ADAMTS16: variants seen among roughly 807,000 people sequenced by gnomAD.
ADAMTS16 encodes the protein A disintegrin and metalloproteinase with thrombospondin motifs 16.
ADAMTS16 carries 94 observed loss-of-function variants against 145.8 expected under a neutral mutation model. The ratio of observed to expected loss-of-function variants is 0.64; its 90% confidence interval spans 0.55 to 0.77. The LOEUF (loss-of-function observed/expected upper bound fraction) is 0.77. Ranked by LOEUF, ADAMTS16 falls within the 30% of genes least tolerant of loss-of-function variation. The pLI is 0.00. For missense variants in ADAMTS16, 1,585 were observed against 1,591.5 expected (o/e 1.00, Z 0.07); for synonymous variants, 659 against 604.3 (o/e 1.09, Z -1.33).
At chr5:5,313,874 C>T (rs1313732539) in intron 21 of ADAMTS16, among the ~76,000 whole-genome samples, 1 of 152,244 alleles carries the variant, frequency 6.6e-6, no homozygotes, top group Non-Finnish European at 1.5e-5. Flanking sequence ...CCCCTGAACC[C>T]TGATCTAGTC....
chr5:5,309,112 A>G (rs548128510), intron 21 of ADAMTS16, among the ~76,000 whole-genome samples: 1 of 152,324 alleles, frequency 6.6e-6, no homozygotes, highest in East Asian at 1.9e-4. Flanking sequence ...CATAAACCAC[A>G]TATACAGTCA....
intron 3 of ADAMTS16, among the ~76,000 whole-genome samples, chr5:5,152,734 A>G (rs534349469): frequency 1.3e-5 from 2 of 152,360 alleles, no homozygotes; most frequent in Admixed American, 6.5e-5. Context: ...TTCAAGGTTT[A>G]TTAAAATGTT....
chr5:5,229,064 C>T (rs1034831594), intron 11 of ADAMTS16, among the ~76,000 whole-genome samples: 41 of 151,410 alleles, frequency 2.7e-4, no homozygotes, highest in African/African-American at 8.0e-4. Context: ...TTTGGGAGGC[C>T]GAGGCGGGTG....
chr5:5,302,110 C>A (rs934100327), intron 18 of ADAMTS16, among the ~76,000 whole-genome samples: 1 of 152,154 alleles, frequency 6.6e-6, no homozygotes, highest in South Asian at 2.1e-4. Flanking sequence ...TCTTGACGGC[C>A]TCTCCAGGGT....
chr5:5,167,346 A>T (rs2126535955), intron 3 of ADAMTS16, among the ~76,000 whole-genome samples: 2 of 152,338 alleles, frequency 1.3e-5, no homozygotes, highest in Middle Eastern at 6.8e-3. Context: ...CACGGTATGG[A>T]ATGAGATTCA....
intron 3 of ADAMTS16, among the ~76,000 whole-genome samples, chr5:5,148,094 GA>G (rs1167373431): frequency 3.3e-4 from 43 of 128,740 alleles, no homozygotes; most frequent in South Asian, 9.9e-4. Flanking sequence ...ATAAATAACA[GA>G]AAAAAATGCT....
chr5:5,160,776 G>T (rs1240126858), intron 3 of ADAMTS16, among the ~76,000 whole-genome samples: 1 of 140,036 alleles, frequency 7.1e-6, no homozygotes, highest in Non-Finnish European at 1.6e-5. Context: ...AAAAAAACCA[G>T]CTTTACTTGA....
At chr5:5,316,463 G>A (rs1734062147) in intron 21 of ADAMTS16, among the ~76,000 whole-genome samples, 1 of 152,166 alleles carries the variant, frequency 6.6e-6, no homozygotes, top group Non-Finnish European at 1.5e-5. Context: ...ACAGTGGGTA[G>A]TTTTATTTTT....
intron 17 of ADAMTS16, among the ~76,000 whole-genome samples, chr5:5,248,315 A>C (rs531320617): frequency 5.9e-5 from 9 of 152,320 alleles, no homozygotes; most frequent in African/African-American, 2.2e-4. Context: ...AGGATTTTTA[A>C]GCGGTTTCCA....
At chr5:5,183,648 T>C (rs1735407567) in intron 4 of ADAMTS16, among the ~76,000 whole-genome samples, 1 of 152,168 alleles carries the variant, frequency 6.6e-6, no homozygotes, top group Non-Finnish European at 1.5e-5. Context: ...GATCCTTTCG[T>C]TCCTCTCTGA....
At chr5:5,144,982 T>G (rs990341955) in intron 2 of ADAMTS16, among the ~76,000 whole-genome samples, 3 of 152,194 alleles carry the variant, frequency 2.0e-5, no homozygotes, top group African/African-American at 7.2e-5. Flanking sequence ...CATGGAGCTC[T>G]GTCCGTCTCC....
intron 17 of ADAMTS16, among the ~76,000 whole-genome samples, chr5:5,258,027 A>T (rs1737854022): frequency 2.0e-5 from 3 of 152,234 alleles, no homozygotes; most frequent in African/African-American, 7.2e-5. Context: ...GAGATCTCGA[A>T]GGGTCCCGAG....
intron 18 of ADAMTS16, among the ~76,000 whole-genome samples, chr5:5,263,612 C>T (rs996559397): frequency 2.0e-5 from 3 of 152,224 alleles, no homozygotes; most frequent in Admixed American, 6.5e-5. Flanking sequence ...GGAGCAAGCT[C>T]TGTGCAGAGC....
intron 3 of ADAMTS16, among the ~76,000 whole-genome samples, chr5:5,151,111 T>C (rs534540494): frequency 2.6e-5 from 4 of 152,286 alleles, no homozygotes; most frequent in African/African-American, 7.2e-5. Context: ...TTGTGTGTAC[T>C]GTACTTTTCA....
intron 18 of ADAMTS16, among the ~76,000 whole-genome samples, chr5:5,299,527 T>G (rs1029548240): frequency 2.0e-5 from 3 of 151,920 alleles, no homozygotes; most frequent in African/African-American, 7.3e-5. Context: ...TTTTTTTTAA[T>G]GGGGAAGAGG....
chr5:5,193,167 G>A (rs796437160), intron 8 of ADAMTS16, among the ~76,000 whole-genome samples: 3,170 of 144,738 alleles, frequency 0.022, 123 homozygotes, highest in African/African-American at 0.078. Context: ...GTGTGTGCGC[G>A]CGCGCACATA....
intron 6 of ADAMTS16, among the ~76,000 whole-genome samples, chr5:5,188,332 C>T (rs1231028373): frequency 2.6e-5 from 4 of 152,050 alleles, no homozygotes; most frequent in Non-Finnish European, 4.4e-5. Flanking sequence ...AGCGCATTTC[C>T]CTCACTGCAT....
At chr5:5,222,939 A>G in intron 11 of ADAMTS16, 55 bp downstream of exon 11, 6 of 1,526,106 alleles carry the variant, frequency 3.9e-6, no homozygotes, top group Non-Finnish European at 5.5e-6. Flanking sequence ...CTTTCAACCC[A>G]TGCATCTTTG....
intron 3 of ADAMTS16, among the ~76,000 whole-genome samples, chr5:5,154,725 T>G (rs1056174317): frequency 6.6e-6 from 1 of 152,202 alleles, no homozygotes; most frequent in South Asian, 2.1e-4. Context: ...AAGAATCACT[T>G]GATGATATTA....
Sources: allele counts gnomAD v4.1 joint callset (sites outside exome capture counted in the v4.1 genomes callset), GRCh38; gene constraint gnomAD v4.1.1; transcripts MANE v1.5; gene names NCBI Gene and HGNC (gene_info 2026-07-23, HGNC 2026-07-21).